The following HS6ST3 variants were observed in gnomAD, a reference collection of about 807,000 sequenced individuals.
The protein encoded by HS6ST3 is heparan-sulfate 6-O-sulfotransferase 3.
In HS6ST3, 12 loss-of-function variants were observed where a neutral mutation model predicts 36.7. That is an observed-to-expected ratio of 0.33 (90% CI 0.21 to 0.53). HS6ST3 has a LOEUF of 0.53. Among genes scored for constraint, HS6ST3 ranks in the 20% least tolerant of loss-of-function variants. The pLI, the probability that HS6ST3 is intolerant of heterozygous loss-of-function variation, is 0.95. For synonymous variants in HS6ST3, 240 were observed against 257.5 expected (o/e 0.93, Z 0.65); for missense variants, 584 against 640.9 (o/e 0.91, Z 0.96).
intron 1 of HS6ST3, among the ~76,000 whole-genome samples, chr13:96,480,804 A>G (rs74106472): frequency 0.019 from 2,940 of 152,250 alleles, 103 homozygotes; most frequent in African/African-American, 0.066. Flanking sequence ...AGCAATCCAC[A>G]GTCTTTGTGT....
chr13:96,543,105 T>G (rs1478130998), intron 1 of HS6ST3, among the ~76,000 whole-genome samples: 1 of 152,224 alleles, frequency 6.6e-6, no homozygotes, highest in Admixed American at 6.5e-5. Context: ...TTGGCTCCCC[T>G]TAGGGATTGC....
At chr13:96,213,771 A>G (rs909578405) in intron 1 of HS6ST3, among the ~76,000 whole-genome samples, 1 of 152,230 alleles carries the variant, frequency 6.6e-6, no homozygotes, top group African/African-American at 2.4e-5. Context: ...GGAAGAATGC[A>G]TTAACTTTGC....
chr13:96,756,151 T>G (rs918397705), intron 1 of HS6ST3, among the ~76,000 whole-genome samples: 2 of 152,230 alleles, frequency 1.3e-5, no homozygotes, highest in Admixed American at 1.3e-4. Context: ...TATCTTCTTT[T>G]GTGACGTGTC....
intron 1 of HS6ST3, among the ~76,000 whole-genome samples, chr13:96,506,845 C>T (rs568864375): frequency 6.6e-6 from 1 of 152,224 alleles, no homozygotes; most frequent in East Asian, 1.9e-4. Flanking sequence ...TGGAAATTGA[C>T]AGGAGTTAGA....
chr13:96,581,067 A>G (rs148282079), intron 1 of HS6ST3, among the ~76,000 whole-genome samples: 10 of 152,258 alleles, frequency 6.6e-5, no homozygotes, highest in Non-Finnish European at 1.5e-4. Flanking sequence ...CTTAATTTCT[A>G]TTTCATACAT....
At chr13:96,168,353 A>G (rs551508452) in intron 1 of HS6ST3, among the ~76,000 whole-genome samples, 1 of 152,194 alleles carries the variant, frequency 6.6e-6, no homozygotes, top group South Asian at 2.1e-4. Flanking sequence ...TAAAATTACT[A>G]TTTTACTTTT....
At chr13:96,431,259 T>TAAACCA (rs143140280) in intron 1 of HS6ST3, among the ~76,000 whole-genome samples, 1 of 149,144 alleles carries the variant, frequency 6.7e-6, no homozygotes, top group African/African-American at 2.5e-5. Context: ...CAACAACAAA[T>TAAACCA]AAACCAAAAC....
chr13:96,158,867 G>T (rs2139327553), intron 1 of HS6ST3, among the ~76,000 whole-genome samples: 1 of 152,044 alleles, frequency 6.6e-6, no homozygotes, highest in East Asian at 1.9e-4. Context: ...TCCTGAGAGT[G>T]ATTCTGGAGT....
chr13:96,685,255 G>A (rs1874736213), intron 1 of HS6ST3, among the ~76,000 whole-genome samples: 2 of 152,052 alleles, frequency 1.3e-5, no homozygotes, highest in Admixed American at 1.3e-4. Flanking sequence ...TTTTGCTTAA[G>A]TCAAGAGGAT....
chr13:96,517,264 C>A (rs1367520863), intron 1 of HS6ST3, among the ~76,000 whole-genome samples: 9 of 151,000 alleles, frequency 6.0e-5, no homozygotes, highest in African/African-American at 1.9e-4. Context: ...GTGGTCCCAG[C>A]TACTACTCAG....
At chr13:96,363,591 A>C (rs1769641345) in intron 1 of HS6ST3, among the ~76,000 whole-genome samples, 1 of 152,194 alleles carries the variant, frequency 6.6e-6, no homozygotes, top group South Asian at 2.1e-4. Flanking sequence ...ATTCTCCTAT[A>C]GCCTTATCTT....
At chr13:96,555,222 A>G (rs577123607) in intron 1 of HS6ST3, among the ~76,000 whole-genome samples, 12 of 152,226 alleles carry the variant, frequency 7.9e-5, no homozygotes, top group Non-Finnish European at 1.3e-4. Context: ...AGTGAGATAC[A>G]TACATTAGTA....
chr13:96,275,716 G>T (rs2054744869), intron 1 of HS6ST3, among the ~76,000 whole-genome samples: 1 of 152,076 alleles, frequency 6.6e-6, no homozygotes, highest in African/African-American at 2.4e-5. Flanking sequence ...TGAAATCTTT[G>T]TTTCCTCAAG....
intron 1 of HS6ST3, among the ~76,000 whole-genome samples, chr13:96,439,870 A>T (rs760831252): frequency 3.3e-5 from 5 of 152,228 alleles, no homozygotes; most frequent in Non-Finnish European, 5.9e-5. Context: ...AACTCAAGTC[A>T]GGCAGTCTGG....
intron 1 of HS6ST3, among the ~76,000 whole-genome samples, chr13:96,103,632 C>CAAATTTATT (rs2053827965): frequency 6.6e-6 from 1 of 151,948 alleles, no homozygotes; most frequent in Non-Finnish European, 1.5e-5. Context: ...CAGTACTGTG[C>CAAATTTATT]TATACAAATT....
At chr13:96,363,609 C>T (rs1325555788) in intron 1 of HS6ST3, among the ~76,000 whole-genome samples, 1 of 152,154 alleles carries the variant, frequency 6.6e-6, no homozygotes, top group Non-Finnish European at 1.5e-5. Flanking sequence ...CTTTTTTAAA[C>T]ACTTGTGTGG....
chr13:96,090,813 CCTGCCGCCGCCG>C lies in HS6ST3; in HGVS notation c.-48_-37del. The C allele has an allele frequency of 7.0e-7, 1 of 1,437,846 alleles. No homozygotes were observed. The highest frequency in any genetic ancestry group is 9.2e-7 in the Non-Finnish European group (1 of 1,089,806). 89.1% of individuals were successfully genotyped at this position (1,437,846 alleles called of 1,614,324 possible). ...AACTTCCGAGCGGGCGCCCGTCCGC[CCTGCCGCCGCCG>C]CCGCCGCCGCTTCGCCTGCCGGCCT... is the stretch of plus-strand genomic sequence containing the variant. On this transcript the variant is annotated 5_prime_UTR_variant, in exon 1 of 2. Transcript: ENST00000376705.
intron 1 of HS6ST3, among the ~76,000 whole-genome samples, chr13:96,198,180 G>A (rs2054323407): frequency 6.6e-6 from 1 of 152,194 alleles, no homozygotes; most frequent in Non-Finnish European, 1.5e-5. Flanking sequence ...CAGCATGGCT[G>A]GAACGGCTGG....
chr13:96,548,712 C>G (rs1470954544), intron 1 of HS6ST3, among the ~76,000 whole-genome samples: 2 of 152,196 alleles, frequency 1.3e-5, no homozygotes, highest in African/African-American at 2.4e-5. Context: ...AGGTCGTGGA[C>G]TGCTGTAGAA....
Sources: allele counts gnomAD v4.1 joint callset (sites outside exome capture counted in the v4.1 genomes callset), GRCh38; gene constraint gnomAD v4.1.1; transcripts MANE v1.5; gene names NCBI Gene and HGNC (gene_info 2026-07-23, HGNC 2026-07-21).